The following ATP5PB variants were observed in gnomAD, a reference collection of about 807,000 sequenced individuals.
ATP5PB encodes the protein ATP synthase peripheral stalk-membrane subunit b, also known as ATP synthase peripheral stalk subunit b, mitochondrial.
ATP5PB carries 21 observed loss-of-function variants against 34.5 expected under a neutral mutation model. That is an observed-to-expected ratio of 0.61 (90% CI 0.43 to 0.88). ATP5PB has a LOEUF of 0.88. ATP5PB is among the 40% of genes least tolerant of loss of function. The pLI, the probability that ATP5PB is intolerant of heterozygous loss-of-function variation, is 0.00. For missense variants in ATP5PB, 293 were observed against 317.4 expected (o/e 0.92, Z 0.58); for synonymous variants, 108 against 114.1 (o/e 0.95, Z 0.34).
At chr1:111,458,744 G>A (rs968831914) in intron 5 of ATP5PB, among the ~76,000 whole-genome samples, 3 of 152,124 alleles carry the variant, frequency 2.0e-5, no homozygotes, top group African/African-American at 7.2e-5. Flanking sequence ...ATGCCTATGG[G>A]TTAGCCAAGT....
chr1:111,449,483 C>G lies in ATP5PB; in HGVS notation c.-59C>G. On this transcript the variant is annotated 5_prime_UTR_variant, in exon 1 of 7. Transcript: ENST00000369722. ...AGCGGCCATCTTGGTCCTGCCCTGACAGATTCTCCTATCGGGGTCACAGGG... is the reference window on the plus strand; with the variant it reads ...AGCGGCCATCTTGGTCCTGCCCTGAGAGATTCTCCTATCGGGGTCACAGGG... 2 of 1,614,232 alleles carry G rather than the reference C, an allele frequency of 1.2e-6. No individual in the cohort carries two copies. Among genetic ancestry groups the G allele is most frequent in the Non-Finnish European group, 8.5e-7 (1 of 1,180,030 alleles).
chr1:111,449,945 C>T, intron 2 of ATP5PB, 72 bp downstream of exon 2: 2 of 1,590,020 alleles, frequency 1.3e-6, no homozygotes, highest in Middle Eastern at 1.7e-4. Context: ...CTGCCCCCAC[C>T]CCCTTAGCTT....
intron 5 of ATP5PB, 115 bp from the exon 6 acceptor site, chr1:111,459,342 A>T (rs1653555281): frequency 2.0e-6 from 2 of 1,013,428 alleles, no homozygotes; most frequent in East Asian, 5.3e-5. Flanking sequence ...TATTAAATAA[A>T]AGAATTTCAC....
chr1:111,453,442 C>T (rs934360935), intron 2 of ATP5PB, among the ~76,000 whole-genome samples: 4 of 150,308 alleles, frequency 2.7e-5, no homozygotes, highest in African/African-American at 4.9e-5. Context: ...GAAGTCCTTA[C>T]GGGCAATCAG....
At position 111,452,592 on chromosome 1, in the gene ATP5PB, A is replaced by T. The variant is rs558240212; in HGVS notation, c.78-1619A>T. Among the ~76,000 whole-genome samples, 16 of 152,304 alleles carry T rather than the reference A, an allele frequency of 1.1e-4. No individual in the cohort carries two copies. In the East Asian group the frequency reaches 2.9e-3, roughly 28 times the overall value. ...TCTCAAAAAAATAAATAAAATAAGC[A>T]GAGAGACCAGGTTTTGTATTGTTAA... On this transcript the variant is annotated intron_variant, in intron 2 of 6. Transcript: ENST00000369722.
At position 111,461,008 on chromosome 1, in the gene ATP5PB, A is replaced by G; in HGVS notation, c.*14A>G. On this transcript the variant is annotated 3_prime_UTR_variant, in exon 7 of 7. Transcript: ENST00000369722. ...CCAGTTATGTAAATGTATCTATCCC[A>G]ATTGAGACAGCTAGAAACAGTTGAC... 6.2e-7 allele frequency: 1 copy of G among 1,608,998 alleles called. No individual in the cohort carries two copies. Among genetic ancestry groups the G allele is most frequent in the Non-Finnish European group, 8.5e-7 (1 of 1,177,344 alleles).
At chr1:111,457,508 G>A (rs1653510450) in intron 5 of ATP5PB, among the ~76,000 whole-genome samples, 1 of 152,164 alleles carries the variant, frequency 6.6e-6, no homozygotes, top group Non-Finnish European at 1.5e-5. Context: ...AAAGTGAGGT[G>A]CTGTTATGTT....
Position 111,454,211 on chromosome 1 carries a change from G to A in ATP5PB, c.78G>A (p.Gly26=). The part of the protein sequence containing the change: ...SLKNAAFLGP[G]VLQATRTFHT... ...ACATTTGTACAATTACTACCTGTAG[G>A]GTATTGCAGGCAACAAGGACCTTTC... is the stretch of plus-strand genomic sequence containing the variant. Residue 26 remains glycine (G), a splice_region_variant and synonymous_variant, in exon 3 of 7, where the codon GGG becomes GGA. Transcript: ENST00000369722. 1 of 1,580,486 alleles carries A rather than the reference G, an allele frequency of 6.3e-7. No homozygotes were observed. The highest frequency in any genetic ancestry group is 8.6e-7 in the Non-Finnish European group (1 of 1,168,548).
In ATP5PB at chr1:111,458,040, A is replaced by G. The variant is rs536371918; in HGVS notation, c.513+1285A>G. On this transcript the variant is annotated intron_variant, in intron 5 of 6. Coordinates refer to ENST00000369722, the MANE Select transcript of ATP5PB (RefSeq NM_001688.5). ...GATATTTATTGAGTTCTTCCTGTGT[A>G]GATATTCTGATCAAGGCAGAGTGCT... Among the ~76,000 whole-genome samples, 120 of 152,320 alleles carry G rather than the reference A, an allele frequency of 7.9e-4. 1 individual carries two copies. The highest frequency in any genetic ancestry group is 2.6e-3 in the African/African-American group (108 of 41,566).
rs919520333 is a variant in ATP5PB at position 111,461,234 on chromosome 1, T to A, written c.*240T>A. 9.3e-6 allele frequency: 3 copies of A among 323,576 alleles called. No individual in the cohort carries two copies. Among genetic ancestry groups the A allele is most frequent in the Admixed American group, 4.7e-5 (1 of 21,102 alleles). The allele number at this position is 323,576 out of a possible 1,614,324, so 20.0% of individuals were successfully genotyped here. On this transcript the variant is annotated 3_prime_UTR_variant, in exon 7 of 7. Transcript: ENST00000369722. ...ATCACTTCTGAATAAGCAGTTTGCC[T>A]TTATAAAAACTTGCTGCCTGACTAA...
At position 111,456,667 on chromosome 1, in the gene ATP5PB, C is replaced by G. The variant is rs1264642360; in HGVS notation, c.425C>G (p.Ser142Cys). Residue 142 changes from serine (S) to cysteine (C), a missense_variant, in exon 5 of 7, where the codon TCC becomes TGC. Coordinates refer to ENST00000369722, the MANE Select transcript of ATP5PB (RefSeq NM_001688.5). ...CAACTAGAAGAGGCGAAGCAGGCTTCCATCCAACACATCCAGAATGCAATT... is the reference window on the plus strand; with the variant it reads ...CAACTAGAAGAGGCGAAGCAGGCTTGCATCCAACACATCCAGAATGCAATT... Reference protein sequence around the residue: ...LAQLEEAKQASIQHIQNAIDT... With the variant: ...LAQLEEAKQACIQHIQNAIDT... The G allele has an allele frequency of 6.2e-7, 1 of 1,613,606 alleles. No homozygotes were observed. The highest frequency in any genetic ancestry group is 1.7e-5 in the Admixed American group (1 of 59,884).
At position 111,462,488 on chromosome 1, in the gene ATP5PB, C is replaced by T. The variant is rs1653651049; in HGVS notation, c.*1494C>T. 6.6e-6 allele frequency: 1 copy of T among 152,058 alleles called. No individual in the cohort carries two copies. Among genetic ancestry groups the T allele is most frequent in the Non-Finnish European group, 1.5e-5 (1 of 68,010 alleles). 9.4% of individuals were successfully genotyped at this position (152,058 alleles called of 1,614,324 possible). On this transcript the variant is annotated 3_prime_UTR_variant, in exon 7 of 7. Transcript: ENST00000369722. ...AATCCTGTAGATAAATTAGAAAATT[C>T]TTCCCTTCATAGGTTTATCTGCATT...
At chr1:111,451,387 A>G (rs552796646) in intron 2 of ATP5PB, among the ~76,000 whole-genome samples, 1 of 152,122 alleles carries the variant, frequency 6.6e-6, no homozygotes, top group East Asian at 1.9e-4. Context: ...ACTCTTCCCC[A>G]TTTTGTTGCT....
chr1:111,459,879 A>T (rs1653569642), intron 6 of ATP5PB, among the ~76,000 whole-genome samples: 2 of 152,168 alleles, frequency 1.3e-5, no homozygotes, highest in African/African-American at 4.8e-5. Context: ...TATAAAATAG[A>T]CTGGGCTGGG....
chr1:111,458,895 A>G (rs1451749956), intron 5 of ATP5PB, among the ~76,000 whole-genome samples: 4 of 152,166 alleles, frequency 2.6e-5, no homozygotes, highest in Non-Finnish European at 4.4e-5. Context: ...ATACAATTAT[A>G]ATAACTATGC....
chr1:111,450,456 AG>A (rs1653289367), intron 2 of ATP5PB, among the ~76,000 whole-genome samples: 1 of 152,190 alleles, frequency 6.6e-6, no homozygotes, highest in East Asian at 1.9e-4. Context: ...AGGGCTCCAC[AG>A]CCAGTACAGG....
chr1:111,462,263 AC>A lies in ATP5PB; in HGVS notation c.*1270del, dbSNP rs1274669746. The A allele has an allele frequency of 1.3e-5, 2 of 152,240 alleles. No individual in the cohort carries two copies. The highest frequency in any genetic ancestry group is 2.9e-5 in the Non-Finnish European group (2 of 68,038). The allele number at this position is 152,240 out of a possible 1,614,324, so 9.4% of individuals were successfully genotyped here. ...TATCCATGCAATGGAATATTATTCC[AC>A]TTCAAGGAAGAAAATTCTGACACTG... On this transcript the variant is annotated 3_prime_UTR_variant, in exon 7 of 7. Coordinates refer to ENST00000369722, the MANE Select transcript of ATP5PB (RefSeq NM_001688.5).
rs756442495 is a variant in ATP5PB, at chr1:111,449,851, A to C, written c.55A>C (p.Asn19His). 6.2e-5 allele frequency: 100 copies of C among 1,614,032 alleles called. No homozygotes were observed. The highest frequency in any genetic ancestry group is 8.3e-5 in the Non-Finnish European group (98 of 1,180,034). ...AAATAAPSLK[N>H]AAFLGPGVLQ... is the part of the protein sequence containing the mutation. ...TCTATCTGCAGCCCCCTCTCTGAAGAATGCAGCCTTCCTAGGTCCAGGGTA... is the reference window on the plus strand; with the variant it reads ...TCTATCTGCAGCCCCCTCTCTGAAGCATGCAGCCTTCCTAGGTCCAGGGTA... Residue 19 changes from asparagine to histidine, a missense_variant, in exon 2 of 7, where the codon AAT (asparagine) becomes CAT (histidine). Asn to His is a moderately conservative substitution (Grantham distance 68). Transcript: ENST00000369722.
Position 111,449,516 on chromosome 1 carries a change from G to A in ATP5PB, c.-26G>A, listed in dbSNP as rs1414922580. 1.2e-6 allele frequency: 2 copies of A among 1,614,142 alleles called. No individual in the cohort carries two copies. The highest frequency in any genetic ancestry group is 1.7e-5 in the Admixed American group (1 of 60,014). ...CCTATCGGGGTCACAGGGACGCTAA[G>A]ATTGCTACCTGGACTTTCGTTGACC... On this transcript the variant is annotated 5_prime_UTR_variant, in exon 1 of 7. Transcript: ENST00000369722.
Sources: allele counts gnomAD v4.1 joint callset (sites outside exome capture counted in the v4.1 genomes callset), GRCh38; gene constraint gnomAD v4.1.1; transcripts MANE v1.5; gene names NCBI Gene and HGNC (gene_info 2026-07-23, HGNC 2026-07-21).